The following C6orf89 variants were observed in gnomAD, a reference collection of about 807,000 sequenced individuals.
C6orf89 encodes the protein bombesin receptor-activated protein C6orf89.
In C6orf89, 29 loss-of-function variants were observed where a neutral mutation model predicts 40.7. The observed-to-expected ratio is 0.71, with a 90% confidence interval of 0.53 to 0.97. C6orf89 has a LOEUF of 0.97. Ranked by LOEUF, C6orf89 falls within the 50% of genes least tolerant of loss-of-function variation. The pLI, the probability that C6orf89 is intolerant of heterozygous loss-of-function variation, is 0.00. For missense variants in C6orf89, 392 were observed against 429.1 expected (o/e 0.91, Z 0.76); for synonymous variants, 165 against 152.2 (o/e 1.08, Z -0.62).
intron 7 of C6orf89, among the ~76,000 whole-genome samples, chr6:36,918,482 C>T (rs544248087): frequency 1.3e-5 from 2 of 152,290 alleles, no homozygotes; most frequent in East Asian, 3.9e-4. Context: ...CTGGTGTTGC[C>T]ATGAAAACAT....
At chr6:36,918,979 A>G (rs1265142341) in intron 7 of C6orf89, among the ~76,000 whole-genome samples, 1 of 152,242 alleles carries the variant, frequency 6.6e-6, no homozygotes, top group Admixed American at 6.5e-5. Context: ...GTAGCATGGC[A>G]TATCTGCTCC....
intron 4 of C6orf89, among the ~76,000 whole-genome samples, chr6:36,903,245 G>A (rs773379863): frequency 1.4e-5 from 2 of 146,914 alleles, no homozygotes; most frequent in South Asian, 4.4e-4. Context: ...GTGTGTGTGT[G>A]TAAAGAAATT....
At position 36,927,527 on chromosome 6, in the gene C6orf89, G is replaced by C. The variant is rs1210353091; in HGVS notation, c.*4086G>C. ...AAACAGAAGGGCCTCTTAGGATTTTGAGCTCTCCTGACAATGAAGGAAAAG... is the reference window on the plus strand; with the variant it reads ...AAACAGAAGGGCCTCTTAGGATTTTCAGCTCTCCTGACAATGAAGGAAAAG... On this transcript the variant is annotated 3_prime_UTR_variant, in exon 9 of 9. Coordinates refer to ENST00000480824, the MANE Select transcript of C6orf89 (RefSeq NM_001286635.2). 6.6e-6 allele frequency: 1 copy of C among 152,196 alleles called. No homozygotes were observed. Among genetic ancestry groups the C allele is most frequent in the Non-Finnish European group, 1.5e-5 (1 of 68,042 alleles). 9.4% of individuals were successfully genotyped at this position (152,196 alleles called of 1,614,324 possible). A position where few individuals can be genotyped will look rare whatever the true frequency, so the allele number is the denominator to read the frequency against.
intron 1 of C6orf89, chr6:36,874,587 C>G (rs371124969): frequency 1.2e-5 from 16 of 1,282,244 alleles, no homozygotes; most frequent in Non-Finnish European, 1.8e-5. Context: ...TGGGGGCCGT[C>G]TCGGCCGCTG....
rs544725488 is a variant in C6orf89, at chr6:36,872,577, G to A, written c.-628+610G>A. ...GACGAGTGCCTTCCCCTCTACTCCA[G>A]CACATACCTAGACTTTAAGCTCCAA... On this transcript the variant is annotated intron_variant, in intron 1 of 9. Coordinates refer to the C6orf89 transcript ENST00000359359. Among the ~76,000 whole-genome samples, 10 of 151,882 alleles carry A rather than the reference G, an allele frequency of 6.6e-5. No individual in the cohort carries two copies. In the East Asian group the frequency reaches 1.9e-3, roughly 29 times the overall value.
chr6:36,877,316 G>A (rs76023456), intron 1 of C6orf89, among the ~76,000 whole-genome samples: 95 of 152,212 alleles, frequency 6.2e-4, no homozygotes, highest in Middle Eastern at 3.4e-3. Flanking sequence ...CTAGACTGTT[G>A]CAAAGTGGCT....
rs1762688109 is a variant in C6orf89 at position 36,926,601 on chromosome 6, G to A, written c.*3160G>A. On this transcript the variant is annotated 3_prime_UTR_variant, in exon 9 of 9. Transcript: ENST00000480824. ...AGAGGGGAGGGGAGGGAAAGGGAAG[G>A]GAGGGGAGGGGAGGAGAGGAGAGCA... is the stretch of plus-strand genomic sequence containing the variant. 2 of 143,146 alleles carry A rather than the reference G, an allele frequency of 1.4e-5. No individual in the cohort carries two copies. The highest frequency in any genetic ancestry group is 4.8e-4 in the South Asian group (2 of 4,168). The allele number at this position is 143,146 out of a possible 1,614,324, so 8.9% of individuals were successfully genotyped here.
At chr6:36,922,788 C>T (rs1762555904) in intron 8 of C6orf89, among the ~76,000 whole-genome samples, 1 of 152,166 alleles carries the variant, frequency 6.6e-6, no homozygotes, top group Admixed American at 6.5e-5. Flanking sequence ...GTAATGAAAC[C>T]ACATTATAGA....
intron 1 of C6orf89, among the ~76,000 whole-genome samples, chr6:36,891,241 G>A (rs530967748): frequency 2.6e-5 from 4 of 152,264 alleles, no homozygotes; most frequent in South Asian, 4.1e-4. Context: ...AGAACATACG[G>A]TGTTTGGTTT....
intron 1 of C6orf89, among the ~76,000 whole-genome samples, chr6:36,887,843 A>C (rs142390964): frequency 1.3e-5 from 2 of 152,024 alleles, no homozygotes; most frequent in African/African-American, 4.8e-5. Flanking sequence ...TCTGCTTCCC[A>C]AGTAGCTGGG....
chr6:36,904,538 G>C (rs974317824), intron 4 of C6orf89, among the ~76,000 whole-genome samples: 2 of 152,170 alleles, frequency 1.3e-5, no homozygotes, highest in Admixed American at 6.5e-5. Context: ...ATTTTGCGTA[G>C]CATTTGGAAG....
rs553669828 is a variant in C6orf89 at position 36,892,222 on chromosome 6, A to G, written c.-119-2282A>G. 2.0e-4 allele frequency among the ~76,000 whole-genome samples: 30 copies of G among 152,252 alleles called. 1 individual carries two copies. In the South Asian group the frequency reaches 6.0e-3, roughly 31 times the overall value. Reference sequence around the variant, plus strand: ...CCTCCGACAGGCCTCTCTTGAAAGCAAGGTTTCTTGACCTCGTTTTGAGGA... The same window carrying G: ...CCTCCGACAGGCCTCTCTTGAAAGCGAGGTTTCTTGACCTCGTTTTGAGGA... On this transcript the variant is annotated intron_variant, in intron 1 of 8. Coordinates refer to ENST00000480824, the MANE Select transcript of C6orf89 (RefSeq NM_001286635.2).
In C6orf89 at chr6:36,889,194, G is replaced by T. The variant is rs185042433; in HGVS notation, c.-120+3166G>T. 2.1e-3 allele frequency among the ~76,000 whole-genome samples: 316 copies of T among 152,250 alleles called. 4 individuals are homozygous for T. Among genetic ancestry groups the T allele is most frequent in the African/African-American group, 7.2e-3 (298 of 41,536 alleles). On this transcript the variant is annotated intron_variant, in intron 1 of 8. Transcript: ENST00000480824. ...ACACTTGAGGGAGATAGATAATGGG[G>T]TAGCAACAGCAGCTGCTGCAGAGAG...
At chr6:36,920,931 G>A (rs955111324) in intron 8 of C6orf89, among the ~76,000 whole-genome samples, 4 of 151,840 alleles carry the variant, frequency 2.6e-5, no homozygotes, top group Non-Finnish European at 4.4e-5. Context: ...CCAGACTTCC[G>A]GCTCCCACGA....
chr6:36,872,865 C>T (rs563014151), intron 1 of C6orf89, among the ~76,000 whole-genome samples: 241 of 152,334 alleles, frequency 1.6e-3, no homozygotes, highest in African/African-American at 5.5e-3. Context: ...CTGCCTTGGC[C>T]TCCCAAAGTG....
rs549556580 is a variant in C6orf89, at chr6:36,894,522, A to G, written c.-101A>G. The G allele has an allele frequency of 1.0e-5, 10 of 985,318 alleles. No homozygotes were observed. In the African/African-American group the frequency reaches 1.6e-4, roughly 15 times the overall value. 61.0% of individuals were successfully genotyped at this position (985,318 alleles called of 1,614,324 possible). A position where few individuals can be genotyped will look rare whatever the true frequency, so the allele number is the denominator to read the frequency against. ...TTTGCAGGAATCATTGTAGTCAATC[A>G]TTTTCCAGTTCTCAGCCGCTCAGTT... is the stretch of plus-strand genomic sequence containing the variant. On this transcript the variant is annotated 5_prime_UTR_variant, in exon 2 of 9. Transcript: ENST00000480824.
At chr6:36,922,163 A>AC (rs1472471136) in intron 8 of C6orf89, among the ~76,000 whole-genome samples, 1 of 150,970 alleles carries the variant, frequency 6.6e-6, no homozygotes, top group Non-Finnish European at 1.5e-5. Flanking sequence ...AGATGATGAA[A>AC]CCCCGTCTCT....
chr6:36,891,425 G>A (rs996557417), intron 1 of C6orf89, among the ~76,000 whole-genome samples: 19 of 152,122 alleles, frequency 1.2e-4, no homozygotes, highest in African/African-American at 4.6e-4. Context: ...CCAAGTCTTT[G>A]CTATTTGTGA....
chr6:36,921,705 C>G (rs1186556417), intron 8 of C6orf89, among the ~76,000 whole-genome samples: 2 of 151,980 alleles, frequency 1.3e-5, no homozygotes, highest in Non-Finnish European at 2.9e-5. Flanking sequence ...GAGATCTACC[C>G]TCTCAACGAA....
Sources: gnomAD v4.1 joint callset for allele counts (sites outside exome capture counted in the v4.1 genomes callset) on GRCh38, gnomAD v4.1.1 for gene constraint, MANE v1.5 for transcripts, NCBI Gene and HGNC (gene_info 2026-07-23, HGNC 2026-07-21) for gene names.